The following PCCA variants were observed in gnomAD, a reference collection of about 807,000 sequenced individuals.
PCCA encodes the protein propionyl-CoA carboxylase subunit alpha, also known as propionyl-CoA carboxylase alpha chain, mitochondrial.
PCCA carries 74 observed loss-of-function variants against 101.3 expected under a neutral mutation model. The observed-to-expected ratio is 0.73, with a 90% CI of 0.61 to 0.89. PCCA has a LOEUF of 0.89. Ranked by LOEUF, PCCA falls within the 40% of genes least tolerant of loss-of-function variation. The pLI, the probability that PCCA is intolerant of heterozygous loss-of-function variation, is 0.00. For missense variants in PCCA, 891 were observed against 907.0 expected (o/e 0.98, Z 0.23); for synonymous variants, 294 against 313.6 (o/e 0.94, Z 0.66).
intron 15 of PCCA, among the ~76,000 whole-genome samples, chr13:100,309,328 C>T (rs1026810880): frequency 2.0e-5 from 3 of 152,150 alleles, no homozygotes; most frequent in Admixed American, 6.5e-5. Context: ...ACCTGTGAGG[C>T]GGAGGTTGCA....
chr13:100,529,278 T>A (rs2088161164), intron 23 of PCCA, among the ~76,000 whole-genome samples: 1 of 152,132 alleles, frequency 6.6e-6, no homozygotes, highest in African/African-American at 2.4e-5. Flanking sequence ...CACTGCGTCC[T>A]CTAGTAGGGC....
rs184750642 is a variant in PCCA, at chr13:100,430,956, C to T, written c.1845+5225C>T. On this transcript the variant is annotated intron_variant, in intron 20 of 23. Transcript: ENST00000376285. ...ATGCCCCCAAAAACCCAATAAAGTA[C>T]GTACTAGTGTTATCCCTCATTTTGT... Among the ~76,000 whole-genome samples, 78 of 152,320 alleles carry T rather than the reference C, an allele frequency of 5.1e-4. No homozygotes were observed. The East Asian group carries it at 0.012, about 23-fold the overall frequency.
intron 18 of PCCA, among the ~76,000 whole-genome samples, chr13:100,343,376 T>A (rs1379428255): frequency 6.6e-6 from 1 of 152,156 alleles, no homozygotes; most frequent in Admixed American, 6.5e-5. Context: ...TAGAATAATA[T>A]GCATCAAGTA....
Position 100,440,156 on chromosome 13 carries a change from TTA to T in PCCA, c.1846-9043_1846-9042del, listed in dbSNP as rs398024171. On this transcript the variant is annotated intron_variant, in intron 20 of 23. Coordinates refer to ENST00000376285, the MANE Select transcript of PCCA (RefSeq NM_000282.4). ...GTTGTGAAATGACTAGAGTATTAAA[TTA>T]TATATATATATATATATATATATAT... 6.1e-3 allele frequency among the ~76,000 whole-genome samples: 566 copies of T among 92,122 alleles called. 1 individual carries two copies. The highest frequency in any genetic ancestry group is 8.2e-3 in the Non-Finnish European group (374 of 45,388). The allele number at this position is 92,122 out of a possible 152,430, so 60.4% of individuals were successfully genotyped here. A position where few individuals can be genotyped will look rare whatever the true frequency, so the allele number is the denominator to read the frequency against.
At chr13:100,097,666 C>T (rs1255359854) in intron 1 of PCCA, among the ~76,000 whole-genome samples, 1 of 152,152 alleles carries the variant, frequency 6.6e-6, no homozygotes, top group Non-Finnish European at 1.5e-5. Flanking sequence ...TTGCAGTGAG[C>T]CAAGATGGCA....
rs151168308 is a variant in PCCA at position 100,209,388 on chromosome 13, C to T, written c.525C>T (p.Gly175=). Residue 175 remains glycine, a synonymous_variant, in exon 7 of 24, where the codon GGC becomes GGT. Transcript: ENST00000376285. ...ACACACATGCTATTCAAGCCATGGG[C>T]GACAAGATTGAAAGCAAATTATTAG... ...GPDTHAIQAM[G]DKIESKLLAK... 35 of 1,612,672 alleles carry T rather than the reference C, an allele frequency of 2.2e-5. No homozygotes were observed. The highest frequency in any genetic ancestry group is 1.5e-4 in the Admixed American group (9 of 60,008).
intron 6 of PCCA, among the ~76,000 whole-genome samples, chr13:100,177,017 CTT>C (rs2056302797): frequency 6.6e-6 from 1 of 152,168 alleles, no homozygotes; most frequent in South Asian, 2.1e-4. Flanking sequence ...ATATCAGTGA[CTT>C]TGAGTGTTTA....
intron 19 of PCCA, among the ~76,000 whole-genome samples, chr13:100,408,949 G>A (rs888137697): frequency 1.3e-5 from 2 of 152,186 alleles, no homozygotes; most frequent in South Asian, 2.1e-4. Flanking sequence ...TTCTTTCACC[G>A]AGGAGAGAAG....
chr13:100,113,266 G>A (rs919141838), intron 4 of PCCA, among the ~76,000 whole-genome samples: 2 of 152,158 alleles, frequency 1.3e-5, no homozygotes, highest in African/African-American at 2.4e-5. Context: ...AAGTATTTGT[G>A]TATATAAGTG....
chr13:100,188,211 T>G (rs1367591397), intron 6 of PCCA, among the ~76,000 whole-genome samples: 2 of 152,162 alleles, frequency 1.3e-5, no homozygotes. Flanking sequence ...GAGAATCGCT[T>G]GAAGCCGGGA....
At chr13:100,112,669 T>C (rs1685769061) in intron 4 of PCCA, among the ~76,000 whole-genome samples, 1 of 147,296 alleles carries the variant, frequency 6.8e-6, no homozygotes, top group South Asian at 2.2e-4. Flanking sequence ...CTCTGCCTCC[T>C]GGGTTCAAGC....
At chr13:100,451,741 C>CTCT (rs1566342067) in intron 21 of PCCA, among the ~76,000 whole-genome samples, 7 of 79,830 alleles carry the variant, frequency 8.8e-5, no homozygotes, top group African/African-American at 3.7e-4. Context: ...TCTCTCTCTT[C>CTCT]TCTCCTTCCT....
At chr13:100,429,292 A>G (rs2079377855) in intron 20 of PCCA, among the ~76,000 whole-genome samples, 1 of 151,850 alleles carries the variant, frequency 6.6e-6, no homozygotes, top group African/African-American at 2.4e-5. Context: ...TAACACCTCC[A>G]AGCAGATAGC....
At chr13:100,405,001 A>C (rs2077587383) in intron 19 of PCCA, among the ~76,000 whole-genome samples, 1 of 152,116 alleles carries the variant, frequency 6.6e-6, no homozygotes, top group African/African-American at 2.4e-5. Flanking sequence ...CGGGAACACA[A>C]ATGTGTCTCG....
At chr13:100,277,634 C>T (rs186327058) in intron 12 of PCCA, among the ~76,000 whole-genome samples, 1 of 152,322 alleles carries the variant, frequency 6.6e-6, no homozygotes, top group Non-Finnish European at 1.5e-5. Flanking sequence ...GTCTGTGCCT[C>T]ACTGCTATCT....
At chr13:100,419,101 GTCT>G (rs1023059843) in intron 19 of PCCA, among the ~76,000 whole-genome samples, 14 of 151,542 alleles carry the variant, frequency 9.2e-5, no homozygotes, top group African/African-American at 3.4e-4. Context: ...CACCCTTCCA[GTCT>G]TTGCTCAAGA....
At chr13:100,166,794 A>G (rs546431318) in intron 6 of PCCA, among the ~76,000 whole-genome samples, 252 of 152,252 alleles carry the variant, frequency 1.7e-3, no homozygotes, top group Middle Eastern at 0.01. Flanking sequence ...TAGGAGTGGA[A>G]TGGCTAGATC....
At chr13:100,319,628 C>T (rs2067782409) in intron 16 of PCCA, among the ~76,000 whole-genome samples, 1 of 152,102 alleles carries the variant, frequency 6.6e-6, no homozygotes, top group South Asian at 2.1e-4. Flanking sequence ...TCAGGTTTGT[C>T]AAAGATCAGA....
At chr13:100,476,905 G>C (rs2083457103) in intron 21 of PCCA, among the ~76,000 whole-genome samples, 1 of 152,168 alleles carries the variant, frequency 6.6e-6, no homozygotes, top group African/African-American at 2.4e-5. Flanking sequence ...GAAAACTTTA[G>C]ACTCTGAAGC....
Sources: gnomAD v4.1 joint callset for allele counts (sites outside exome capture counted in the v4.1 genomes callset) on GRCh38, gnomAD v4.1.1 for gene constraint, MANE v1.5 for transcripts, NCBI Gene and HGNC (gene_info 2026-07-23, HGNC 2026-07-21) for gene names.